The following ANKS1B variants were observed in gnomAD, a reference collection of about 807,000 sequenced individuals.
The protein encoded by ANKS1B is ankyrin repeat and sterile alpha motif domain containing 1B.
Under a neutral mutation model 148.3 loss-of-function variants are expected in ANKS1B, and 36 were observed. The observed-to-expected ratio is 0.24, with a 90% CI of 0.19 to 0.32. The LOEUF is 0.32. Ranked by LOEUF, ANKS1B falls within the 10% of genes least tolerant of loss-of-function variation. ANKS1B has a pLI of 1.00. For synonymous variants in ANKS1B, 542 were observed against 560.8 expected, an observed-to-expected ratio of 0.97 and a Z score of 0.47; for missense variants, 1,157 against 1,542.6, an observed-to-expected ratio of 0.75 and a Z score of 4.19.
intron 8 of ANKS1B, among the ~76,000 whole-genome samples, chr12:99,708,817 T>A (rs1180083603): frequency 1.3e-5 from 2 of 152,138 alleles, no homozygotes; most frequent in Non-Finnish European, 2.9e-5. Flanking sequence ...AAAGGTAACA[T>A]TCACAGTTTC....
chr12:99,117,537 G>A (rs942253769), intron 15 of ANKS1B, among the ~76,000 whole-genome samples: 1 of 152,280 alleles, frequency 6.6e-6, no homozygotes, highest in East Asian at 1.9e-4. Context: ...TTGCATCCTA[G>A]GGAGGAAGCT....
At chr12:99,735,336 T>G (rs904844666) in intron 8 of ANKS1B, among the ~76,000 whole-genome samples, 2 of 151,904 alleles carry the variant, frequency 1.3e-5, no homozygotes, top group Admixed American at 6.6e-5. Flanking sequence ...AAAGTTGGCT[T>G]TTCAAAAAGA....
intron 9 of ANKS1B, among the ~76,000 whole-genome samples, chr12:99,541,681 C>T (rs764132738): frequency 5.9e-5 from 9 of 151,784 alleles, no homozygotes; most frequent in African/African-American, 1.2e-4. Context: ...ATGGTGAAAC[C>T]CCATCTCTAC....
chr12:99,166,490 T>C (rs2077197708), intron 14 of ANKS1B, among the ~76,000 whole-genome samples: 1 of 151,944 alleles, frequency 6.6e-6, no homozygotes, highest in East Asian at 1.9e-4. Flanking sequence ...CAATAAACAA[T>C]TGGAATTTGA....
chr12:99,089,557 A>G (rs10860389), intron 15 of ANKS1B, among the ~76,000 whole-genome samples: 87,773 of 152,090 alleles, frequency 0.58, 25,971 homozygotes, highest in East Asian at 0.75. Flanking sequence ...GAGACATTGA[A>G]ACTTTAGTCA....
intron 10 of ANKS1B, among the ~76,000 whole-genome samples, chr12:99,456,727 A>T (rs576106481): frequency 3.8e-4 from 58 of 151,278 alleles, no homozygotes; most frequent in South Asian, 6.3e-4. Flanking sequence ...GACAAAGAAA[A>T]TTTTTTTTTT....
chr12:98,784,220 T>A (rs1165733130), intron 22 of ANKS1B, among the ~76,000 whole-genome samples: 1 of 152,100 alleles, frequency 6.6e-6, no homozygotes, highest in Non-Finnish European at 1.5e-5. Flanking sequence ...CCTACATACA[T>A]GGATGGCCAA....
intron 14 of ANKS1B, among the ~76,000 whole-genome samples, chr12:99,169,804 T>A (rs770806538): frequency 6.6e-6 from 1 of 152,198 alleles, no homozygotes; most frequent in South Asian, 2.1e-4. Flanking sequence ...AGAGAAGTTA[T>A]GAATTGTCTA....
chr12:99,777,731 C>T (rs1409812650), intron 6 of ANKS1B, among the ~76,000 whole-genome samples: 10 of 151,704 alleles, frequency 6.6e-5, no homozygotes, highest in East Asian at 6.0e-4. Context: ...ACTACAGGCG[C>T]CCACCACCGC....
intron 17 of ANKS1B, among the ~76,000 whole-genome samples, chr12:98,917,256 T>C (rs1481398170): frequency 6.6e-6 from 1 of 152,160 alleles, no homozygotes; most frequent in Non-Finnish European, 1.5e-5. Context: ...TTAAGCAACT[T>C]TCTCAATGTC....
chr12:99,192,978 G>A (rs1381478823), intron 14 of ANKS1B, among the ~76,000 whole-genome samples: 1 of 152,050 alleles, frequency 6.6e-6, no homozygotes, highest in Non-Finnish European at 1.5e-5. Flanking sequence ...CAAAGTTACT[G>A]AAGAAGAGAA....
intron 12 of ANKS1B, among the ~76,000 whole-genome samples, chr12:99,309,003 G>C (rs2082754711): frequency 6.6e-6 from 1 of 150,864 alleles, no homozygotes; most frequent in South Asian, 2.1e-4. Flanking sequence ...TATACTACAG[G>C]TATTTACAAA....
At chr12:99,520,875 C>A (rs138783185) in intron 9 of ANKS1B, among the ~76,000 whole-genome samples, 216 of 152,320 alleles carry the variant, frequency 1.4e-3, no homozygotes, top group African/African-American at 4.7e-3. Context: ...CAGCTCACTG[C>A]AACCTTCACT....
intron 17 of ANKS1B, among the ~76,000 whole-genome samples, chr12:98,904,397 C>A (rs2099776176): frequency 6.6e-6 from 1 of 152,198 alleles, no homozygotes; most frequent in Admixed American, 6.5e-5. Context: ...GAAGGGGTCA[C>A]TACTTCCAAG....
Position 99,400,211 on chromosome 12 carries a change from T to C in ANKS1B, c.1576-400A>G, listed in dbSNP as rs1176436392. Among the ~76,000 whole-genome samples the C allele has an allele frequency of 2.0e-5, 3 of 147,694 alleles. 1 individual carries two copies. The highest frequency in any genetic ancestry group is 1.9e-4 in the East Asian group (1 of 5,198). On this transcript the variant is annotated intron_variant, in intron 11 of 26. Transcript: ENST00000683438. ...ATAGAATCTAATAATAAAAGGGCCTTACAACATAGAAGAATAATTAAGGCA... is the reference window on the plus strand; with the variant it reads ...ATAGAATCTAATAATAAAAGGGCCTCACAACATAGAAGAATAATTAAGGCA...
intron 12 of ANKS1B, among the ~76,000 whole-genome samples, chr12:99,391,399 C>A (rs2094062452): frequency 6.6e-6 from 1 of 152,202 alleles, no homozygotes; most frequent in Non-Finnish European, 1.5e-5. Context: ...CTCTGACCTG[C>A]AGTTTCATGT....
intron 8 of ANKS1B, among the ~76,000 whole-genome samples, chr12:99,678,892 T>A (rs948887049): frequency 1.3e-5 from 2 of 151,506 alleles, no homozygotes; most frequent in Admixed American, 6.6e-5. Context: ...TCAACAAGAG[T>A]AGTAGAGGTA....
chr12:99,109,680 A>G (rs2059906744), intron 15 of ANKS1B, among the ~76,000 whole-genome samples: 2 of 152,234 alleles, frequency 1.3e-5, no homozygotes, highest in African/African-American at 4.8e-5. Flanking sequence ...TGAGGCACAG[A>G]GAAGTAAGGT....
intron 1 of ANKS1B, among the ~76,000 whole-genome samples, chr12:99,944,711 A>T (rs993555926): frequency 6.6e-6 from 1 of 152,138 alleles, no homozygotes. Context: ...TGTGAGATTA[A>T]GAAGCATACT....
Sources: allele counts gnomAD v4.1 joint callset (sites outside exome capture counted in the v4.1 genomes callset), GRCh38; gene constraint gnomAD v4.1.1; transcripts MANE v1.5; gene names NCBI Gene and HGNC (gene_info 2026-07-23, HGNC 2026-07-21).